SPRTN: variants seen among roughly 807,000 people sequenced by gnomAD.
SPRTN encodes the protein SprT-like N-terminal domain.
SPRTN carries 11 observed loss-of-function variants against 31.9 expected under a neutral mutation model. That is an observed-to-expected ratio of 0.34 (90% CI 0.22 to 0.57). The LOEUF (loss-of-function observed/expected upper bound fraction) is 0.57. Among genes scored for constraint, SPRTN ranks in the 20% least tolerant of loss-of-function variants. SPRTN has a pLI of 0.86. For synonymous variants in SPRTN, 185 were observed against 212.1 expected, an observed-to-expected ratio of 0.87 and a Z score of 1.11; for missense variants, 482 against 590.1, an observed-to-expected ratio of 0.82 and a Z score of 1.90.
chr1:231,341,964 G>A (rs572671262), intron 2 of SPRTN, among the ~76,000 whole-genome samples: 36 of 152,238 alleles, frequency 2.4e-4, no homozygotes, highest in South Asian at 6.2e-4. Flanking sequence ...ACAGCCTGGG[G>A]TGACAGAGCA....
Position 231,354,003 on chromosome 1 carries a change from G to T in SPRTN, c.*642G>T, listed in dbSNP as rs1687319181. On this transcript the variant is annotated 3_prime_UTR_variant, in exon 5 of 5. Coordinates refer to ENST00000295050, the MANE Select transcript of SPRTN (RefSeq NM_032018.7). Reference sequence around the variant, plus strand: ...TAGTAAAATAAGTAAATTTCTTTTGGAATATTTTTAGTAACAAATAGCCAC... The same window carrying T: ...TAGTAAAATAAGTAAATTTCTTTTGTAATATTTTTAGTAACAAATAGCCAC... 9.5e-6 allele frequency: 9 copies of T among 942,926 alleles called. No homozygotes were observed. The highest frequency in any genetic ancestry group is 6.2e-5 in the Admixed American group (1 of 16,182). The allele number at this position is 942,926 out of a possible 1,614,324, so 58.4% of individuals were successfully genotyped here.
intron 2 of SPRTN, among the ~76,000 whole-genome samples, chr1:231,341,889 C>T (rs146806291): frequency 3.3e-4 from 50 of 152,170 alleles, no homozygotes; most frequent in Middle Eastern, 6.8e-3. Flanking sequence ...AGGAGGCTGA[C>T]GCACAAGAAT....
chr1:231,341,761 C>T (rs959251660), intron 2 of SPRTN, among the ~76,000 whole-genome samples: 3 of 152,112 alleles, frequency 2.0e-5, no homozygotes, highest in South Asian at 4.2e-4. Flanking sequence ...CTGAGACAGG[C>T]GGATCACTTG....
At chr1:231,352,029 A>G in intron 4 of SPRTN, 3 of 994,940 alleles carry the variant, frequency 3.0e-6, no homozygotes, top group Non-Finnish European at 3.6e-6. Flanking sequence ...AAGTGACTCT[A>G]TTGATGTATG....
rs530068023 is a variant in SPRTN at position 231,340,670 on chromosome 1, T to A, written c.321+802T>A. Among the ~76,000 whole-genome samples the A allele has an allele frequency of 3.7e-4, 56 of 152,150 alleles. 1 individual carries two copies. The highest frequency in any genetic ancestry group is 1.2e-3 in the East Asian group (6 of 5,144). Reference sequence around the variant, plus strand: ...TTCACATTTAGAGCTGGTACTTACTTCTGCTAGCAGAATGGAGCAGTGGGA... The same window carrying A: ...TTCACATTTAGAGCTGGTACTTACTACTGCTAGCAGAATGGAGCAGTGGGA... On this transcript the variant is annotated intron_variant, in intron 2 of 4. Coordinates refer to ENST00000295050, the MANE Select transcript of SPRTN (RefSeq NM_032018.7).
intron 2 of SPRTN, among the ~76,000 whole-genome samples, chr1:231,345,569 T>C (rs1250712755): frequency 2.0e-5 from 3 of 152,260 alleles, no homozygotes; most frequent in Admixed American, 6.5e-5. Flanking sequence ...TTTGCTGTTA[T>C]AAGCAGTGTC....
At chr1:231,340,944 A>C (rs1295805489) in intron 2 of SPRTN, among the ~76,000 whole-genome samples, 4 of 152,166 alleles carry the variant, frequency 2.6e-5, no homozygotes, top group Admixed American at 6.6e-5. Flanking sequence ...AACAGTGTGA[A>C]TATACTCAAC....
At position 231,351,441 on chromosome 1, in the gene SPRTN, T is replaced by C. The variant is rs1215366231; in HGVS notation, c.588T>C (p.Tyr196=). ...ACAGGGAACCCTCTGCTCATGACTA[T>C]TGGTGGGCTGAGCACCAGAAAACCT... is the stretch of plus-strand genomic sequence containing the variant. ...ATNREPSAHD[Y]WWAEHQKTCG... Residue 196 remains tyrosine, a synonymous_variant, in exon 4 of 5, where the codon TAT becomes TAC. Transcript: ENST00000295050. 6 of 1,614,136 alleles carry C rather than the reference T, an allele frequency of 3.7e-6. No individual in the cohort carries two copies. The highest frequency in any genetic ancestry group is 4.5e-5 in the East Asian group (2 of 44,882).
chr1:231,347,764 C>G lies in SPRTN; in HGVS notation c.322-33C>G, dbSNP rs1230863791. 7 of 1,589,046 alleles carry G rather than the reference C, an allele frequency of 4.4e-6. 1 individual carries two copies. In the Admixed American group the frequency reaches 1.3e-4, roughly 30 times the overall value. Reference sequence around the variant, plus strand: ...TATATTTTCCAAAGTGTCATACAGACTCTAAAACTAATTTGAATATTTTAT... The same window carrying G: ...TATATTTTCCAAAGTGTCATACAGAGTCTAAAACTAATTTGAATATTTTAT... On this transcript the variant is annotated intron_variant, in intron 2 of 4. Coordinates refer to ENST00000295050, the MANE Select transcript of SPRTN (RefSeq NM_032018.7).
chr1:231,353,182 G>A lies in SPRTN; in HGVS notation c.1291G>A (p.Gly431Ser). Residue 431 changes from glycine (G) to serine (S), a missense_variant, in exon 5 of 5, where the codon GGT becomes AGT. Around this residue, in one of 2 missense-constraint regions of SPRTN, gnomAD observed 325 missense variants for 350.2 expected, o/e 0.93. Transcript: ENST00000295050. ...FIKKEQIKSS[G>S]NDPKYSTTTA... The stretch of plus-strand genomic sequence containing the variant: ...CAAGAAAGAGCAAATAAAAAGCAGT[G>A]GTAATGATCCAAAGTATAGTACAAC... The A allele has an allele frequency of 6.2e-7, 1 of 1,613,232 alleles. No homozygotes were observed. Among genetic ancestry groups the A allele is most frequent in the Non-Finnish European group, 8.5e-7 (1 of 1,179,804 alleles).
rs759158309 is a variant in SPRTN at position 231,352,880 on chromosome 1, A to G, written c.989A>G (p.Asn330Ser). The G allele has an allele frequency of 6.8e-6, 11 of 1,614,030 alleles. No individual in the cohort carries two copies. The highest frequency in any genetic ancestry group is 9.3e-6 in the Non-Finnish European group (11 of 1,180,016). ...VSNSHQNVLS[N>S]YFPRVSFANQ... ...AACAGTCACCAAAATGTTCTAAGCA[A>G]CTACTTTCCTAGAGTATCATTTGCC... The change falls in exon 5 of 5, where the codon AAC (asparagine) becomes AGC (serine). Residue 330 changes from asparagine (N) to serine (S), a missense_variant. Transcript: ENST00000295050.
chr1:231,341,367 A>G (rs142993923), intron 2 of SPRTN, among the ~76,000 whole-genome samples: 197 of 151,956 alleles, frequency 1.3e-3, no homozygotes, highest in African/African-American at 4.7e-3. Context: ...TTTGCATTAT[A>G]CTTACTGGTT....
intron 2 of SPRTN, 64 bp from the exon 3 acceptor site, chr1:231,347,733 A>G: frequency 6.5e-7 from 1 of 1,534,202 alleles, no homozygotes; most frequent in Non-Finnish European, 8.7e-7. Context: ...ATAGAATAAG[A>G]AAATTTATAT....
Position 231,338,522 on chromosome 1 carries a change from G to A in SPRTN, c.139G>A (p.Ala47Thr), listed in dbSNP as rs754623817. 6.2e-7 allele frequency: 1 copy of A among 1,614,250 alleles called. No individual in the cohort carries two copies. Among genetic ancestry groups the A allele is most frequent in the Non-Finnish European group, 8.5e-7 (1 of 1,180,048 alleles). ...ELVDPTPDLQ[A>T]LFVQFNDQFF... ...GGTGGACCCCACACCGGACTTGCAG[G>A]CACTGTTTGTTCAGTTTAACGACCA... Residue 47 changes from alanine to threonine, a missense_variant, in exon 1 of 5, where the codon GCA (alanine) becomes ACA (threonine). Ala to Thr is a moderately conservative substitution (Grantham distance 58). Transcript: ENST00000295050.
In SPRTN at chr1:231,354,299, G is replaced by A. The variant is rs145848999; in HGVS notation, c.*938G>A. Reference sequence around the variant, plus strand: ...TTCCATGTTATAGGGAAAGGACAAAGAGACTTTTATCAGTTTGCTTTTTGT... The same window carrying A: ...TTCCATGTTATAGGGAAAGGACAAAAAGACTTTTATCAGTTTGCTTTTTGT... On this transcript the variant is annotated 3_prime_UTR_variant, in exon 5 of 5. Transcript: ENST00000295050. 1 of 980,518 alleles carries A rather than the reference G, an allele frequency of 1.0e-6. No individual in the cohort carries two copies. The highest frequency in any genetic ancestry group is 1.1e-4 in the East Asian group (1 of 8,786). 60.7% of individuals were successfully genotyped at this position (980,518 alleles called of 1,614,324 possible).
chr1:231,352,558 T>C, intron 4 of SPRTN, 52 bp from the exon 5 acceptor site: 1 of 1,524,216 alleles, frequency 6.6e-7, no homozygotes, highest in Admixed American at 2.3e-5. Flanking sequence ...TGTTACTGTA[T>C]TTCTTTTGAG....
At chr1:231,347,668 A>G in intron 2 of SPRTN, 129 bp from the exon 3 acceptor site, 2 of 1,122,292 alleles carry the variant, frequency 1.8e-6, no homozygotes, top group Admixed American at 3.1e-5. Flanking sequence ...CCGGCCTAGA[A>G]TGAGTTTTAT....
chr1:231,347,088 C>T (rs1185085507), intron 2 of SPRTN, among the ~76,000 whole-genome samples: 1 of 152,118 alleles, frequency 6.6e-6, no homozygotes, highest in South Asian at 2.1e-4. Context: ...TTTGAGTACC[C>T]CTTCTCTGAA....
chr1:231,354,008 T>C lies in SPRTN; in HGVS notation c.*647T>C. ...AAATAAGTAAATTTCTTTTGGAATATTTTTAGTAACAAATAGCCACTATAA... is the reference window on the plus strand; with the variant it reads ...AAATAAGTAAATTTCTTTTGGAATACTTTTAGTAACAAATAGCCACTATAA... On this transcript the variant is annotated 3_prime_UTR_variant, in exon 5 of 5. Transcript: ENST00000295050. 1 of 946,546 alleles carries C rather than the reference T, an allele frequency of 1.1e-6. No homozygotes were observed. Among genetic ancestry groups the C allele is most frequent in the African/African-American group, 1.8e-5 (1 of 56,542 alleles). The allele number at this position is 946,546 out of a possible 1,614,324, so 58.6% of individuals were successfully genotyped here. A position where few individuals can be genotyped will look rare whatever the true frequency, so the allele number is the denominator to read the frequency against.
Sources: gnomAD v4.1 joint callset for allele counts (sites outside exome capture counted in the v4.1 genomes callset) on GRCh38, gnomAD v4.1.1 for gene constraint, gnomAD v4.1.1 regional missense constraint, MANE v1.5 for transcripts, NCBI Gene and HGNC (gene_info 2026-07-23, HGNC 2026-07-21) for gene names.